The following PFKFB3 variants were observed in gnomAD, a reference collection of about 807,000 sequenced individuals.
The protein encoded by PFKFB3 is 6-phosphofructo-2-kinase/fructose-2,6-bisphosphatase 3.
PFKFB3 carries 33 observed loss-of-function variants against 68.0 expected under a neutral mutation model. The observed-to-expected ratio is 0.49, with a 90% CI of 0.37 to 0.65. The LOEUF (loss-of-function observed/expected upper bound fraction) is 0.65. Ranked by LOEUF, PFKFB3 falls within the 30% of genes least tolerant of loss-of-function variation. The pLI is 0.00. For synonymous variants in PFKFB3, 315 were observed against 288.2 expected, an observed-to-expected ratio of 1.09 and a Z score of -0.94; for missense variants, 586 against 712.2, an observed-to-expected ratio of 0.82 and a Z score of 2.02.
At chr10:6,222,076 C>T (rs755239620) in intron 10 of PFKFB3, among the ~76,000 whole-genome samples, 1 of 152,134 alleles carries the variant, frequency 6.6e-6, no homozygotes, top group East Asian at 1.9e-4. Context: ...TGTGCTTCCC[C>T]GTGCACGGTG....
At chr10:6,232,368 C>A (rs1030467471) in intron 14 of PFKFB3, among the ~76,000 whole-genome samples, 9 of 152,168 alleles carry the variant, frequency 5.9e-5, no homozygotes, top group African/African-American at 1.9e-4. Flanking sequence ...CCTGGCTCCC[C>A]ACCTGGGCCT....
At chr10:6,285,972 GTTTTTTTTT>G in the PFKFB3 span, among the ~76,000 whole-genome samples, 1 of 89,044 alleles carries the variant, frequency 1.1e-5, no homozygotes, top group Non-Finnish European at 2.0e-5. Flanking sequence ...TCCTTTCACT[GTTTTTTTTT>G]TTTTTTTTTT....
At chr10:6,289,884 C>T in the PFKFB3 span, among the ~76,000 whole-genome samples, 1 of 151,826 alleles carries the variant, frequency 6.6e-6, no homozygotes, top group African/African-American at 2.4e-5. Context: ...TTTCATTGAG[C>T]AGTGGTTTGT....
chr10:6,146,927 G>C (rs1841406628), intron 1 of PFKFB3, among the ~76,000 whole-genome samples: 1 of 152,234 alleles, frequency 6.6e-6, no homozygotes, highest in African/African-American at 2.4e-5. Flanking sequence ...CTACTTCCTG[G>C]AGGTCCCAGA....
At chr10:6,272,184 C>G in the PFKFB3 span, among the ~76,000 whole-genome samples, 1 of 152,162 alleles carries the variant, frequency 6.6e-6, no homozygotes. Flanking sequence ...CTGTAACTGT[C>G]TAGTTTGGTG....
intron 14 of PFKFB3, chr10:6,231,347 C>T: frequency 6.2e-7 from 1 of 1,611,992 alleles, no homozygotes; most frequent in East Asian, 2.2e-5. Context: ...CTCTGTCCCG[C>T]ACCGCGTCAC....
intron 13 of PFKFB3, chr10:6,225,378 T>G (rs1480473780): frequency 1.3e-5 from 5 of 373,226 alleles, no homozygotes; most frequent in Non-Finnish European, 2.7e-5. Context: ...TTGGCCGCCT[T>G]GGTCCCTGTC....
rs752567472 is a variant in PFKFB3 at position 6,220,811 on chromosome 10, C to G, written c.777C>G (p.His259Gln). ...TGTGCCGGCACGGCGAGAACGAGCACAACCTCCAGGGCCGCATCGGGGGCG... is the reference window on the plus strand; with the variant it reads ...TGTGCCGGCACGGCGAGAACGAGCAGAACCTCCAGGGCCGCATCGGGGGCG... ...IYLCRHGENE[H>Q]NLQGRIGGDS... The change falls in exon 8 of 15, where the codon CAC (histidine) becomes CAG (glutamine). Residue 259 changes from histidine to glutamine, a missense_variant. Coordinates refer to ENST00000379775, the MANE Select transcript of PFKFB3 (RefSeq NM_004566.4). This position sits in a 1 kb window ranked among gnomAD's most constrained non-coding sequence, Gnocchi z 4.1. The G allele has an allele frequency of 6.2e-7, 1 of 1,613,840 alleles. No homozygotes were observed. Among genetic ancestry groups the G allele is most frequent in the East Asian group, 2.2e-5 (1 of 44,874 alleles).
At chr10:6,196,016 C>T (rs1843166226) in intron 1 of PFKFB3, among the ~76,000 whole-genome samples, 2 of 152,168 alleles carry the variant, frequency 1.3e-5, no homozygotes, top group Admixed American at 6.6e-5. Flanking sequence ...GCTCTCCTTC[C>T]TCTTTTGCTT....
At chr10:6,274,396 G>A in the PFKFB3 span, among the ~76,000 whole-genome samples, 5 of 152,114 alleles carry the variant, frequency 3.3e-5, no homozygotes, top group East Asian at 3.8e-4. Context: ...TTTGGATTAC[G>A]AAGGAGAGAA....
intron 1 of PFKFB3, among the ~76,000 whole-genome samples, chr10:6,165,439 G>C (rs77959023): frequency 0.011 from 1,650 of 152,280 alleles, 70 homozygotes; most frequent in East Asian, 0.099. Context: ...GTAACAATCT[G>C]ATCTCTCTTT....
chr10:6,305,698 A>AGCT, the PFKFB3 span, among the ~76,000 whole-genome samples: 1 of 152,140 alleles, frequency 6.6e-6, no homozygotes, highest in Non-Finnish European at 1.5e-5. Flanking sequence ...TTTTACTGTG[A>AGCT]GCTGCTGACT....
intron 14 of PFKFB3, among the ~76,000 whole-genome samples, chr10:6,252,698 C>CAT (rs1846407347): frequency 6.6e-6 from 1 of 152,092 alleles, no homozygotes; most frequent in South Asian, 2.1e-4. Context: ...ATAATGGGGT[C>CAT]ATATATATGC....
intron 1 of PFKFB3, among the ~76,000 whole-genome samples, chr10:6,195,349 T>C (rs1264240423): frequency 6.6e-6 from 1 of 152,194 alleles, no homozygotes; most frequent in Non-Finnish European, 1.5e-5. Context: ...CACAGACGTC[T>C]AGAGTTTTCT....
At chr10:6,159,446 C>T (rs1841907017) in intron 1 of PFKFB3, among the ~76,000 whole-genome samples, 1 of 151,866 alleles carries the variant, frequency 6.6e-6, no homozygotes, top group East Asian at 1.9e-4. Context: ...CACCTGTAAT[C>T]CCAGCACTTT....
At chr10:6,192,592 G>A (rs936730480) in intron 1 of PFKFB3, among the ~76,000 whole-genome samples, 3 of 151,928 alleles carry the variant, frequency 2.0e-5, no homozygotes, top group African/African-American at 7.3e-5. Flanking sequence ...CGTGATCTGG[G>A]TTCCAGTTTC....
At chr10:6,221,908 T>A (rs1439209908) in intron 10 of PFKFB3, among the ~76,000 whole-genome samples, 163 bp downstream of exon 10, 2 of 152,126 alleles carry the variant, frequency 1.3e-5, no homozygotes, top group African/African-American at 4.8e-5. Context: ...TCTAACAGCC[T>A]GGGGTGAAGT....
intron 1 of PFKFB3, 28 bp downstream of exon 1, chr10:6,203,364 G>T: frequency 1.9e-6 from 3 of 1,558,706 alleles, no homozygotes; most frequent in Non-Finnish European, 2.6e-6. Context: ...GAGCCGGGTT[G>T]CAGGGCGGGC....
the PFKFB3 span, among the ~76,000 whole-genome samples, chr10:6,264,348 C>CCA: frequency 0.019 from 2,840 of 152,210 alleles, 94 homozygotes; most frequent in African/African-American, 0.065. Flanking sequence ...CCATTTGATT[C>CCA]TAGAATAAGC....
Sources: gnomAD v4.1 joint callset for allele counts (sites outside exome capture counted in the v4.1 genomes callset) on GRCh38, gnomAD v4.1.1 for gene constraint, Gnocchi (gnomAD v3.1) non-coding constraint, MANE v1.5 for transcripts, NCBI Gene and HGNC (gene_info 2026-07-23, HGNC 2026-07-21) for gene names.